The following USH2A variants were observed in gnomAD, a reference collection of about 807,000 sequenced individuals.
The protein encoded by USH2A is usherin.
In USH2A, 443 loss-of-function variants were observed where a neutral mutation model predicts 538.9. The ratio of observed to expected loss-of-function variants is 0.82; its 90% CI spans 0.76 to 0.89. The LOEUF is 0.89. USH2A is among the 40% of genes least tolerant of loss of function. The probability of loss-of-function intolerance (pLI) is 0.00; values close to 1 mark genes in which losing one functional copy is unlikely to be tolerated. For missense variants in USH2A, 6,633 were observed against 6,324.8 expected (o/e 1.05, Z -1.65); for synonymous variants, 2,413 against 2,273.5 (o/e 1.06, Z -1.75).
At chr1:215,781,304 C>T (rs974892355) in intron 54 of USH2A, among the ~76,000 whole-genome samples, 1 of 152,174 alleles carries the variant, frequency 6.6e-6, no homozygotes, top group Non-Finnish European at 1.5e-5. Context: ...GCTATCTGAT[C>T]CTTCTCTTTA....
At chr1:215,656,049 T>C (rs1449238989) in intron 64 of USH2A, among the ~76,000 whole-genome samples, 1 of 152,196 alleles carries the variant, frequency 6.6e-6, no homozygotes, top group Non-Finnish European at 1.5e-5. Flanking sequence ...TAGTTATTTT[T>C]TAGCACAATT....
In USH2A at chr1:215,630,575, G is replaced by A. The variant is rs536370966; in HGVS notation, c.15298-1540C>T. Among the ~76,000 whole-genome samples the A allele has an allele frequency of 6.8e-5, 10 of 147,368 alleles. No homozygotes were observed. The South Asian group carries it at 1.7e-3, about 26-fold the overall frequency. ...GCAACTAAAACTTCATAGTGAGGCC[G>A]GGTGCGGTGGCTCATGCCTGTAATC... On this transcript the variant is annotated intron_variant, in intron 70 of 71. Coordinates refer to ENST00000307340, the MANE Select transcript of USH2A (RefSeq NM_206933.4).
At chr1:216,350,638 T>C (rs1319360365) in intron 4 of USH2A, among the ~76,000 whole-genome samples, 5 of 151,954 alleles carry the variant, frequency 3.3e-5, no homozygotes, top group Non-Finnish European at 7.4e-5. Flanking sequence ...CCAGGGCACA[T>C]TGGTGGGAGG....
intron 4 of USH2A, among the ~76,000 whole-genome samples, chr1:216,339,213 C>A (rs1394067492): frequency 2.0e-5 from 3 of 151,264 alleles, no homozygotes; most frequent in African/African-American, 7.3e-5. Flanking sequence ...ATGGGTAATT[C>A]TCAGAAAAAT....
intron 54 of USH2A, among the ~76,000 whole-genome samples, chr1:215,781,789 A>G (rs1558095184): frequency 6.6e-6 from 1 of 152,228 alleles, no homozygotes; most frequent in Non-Finnish European, 1.5e-5. Context: ...GGAAGAAAAG[A>G]TGGTACTGCT....
chr1:215,913,951 T>C (rs1665880267), intron 38 of USH2A, among the ~76,000 whole-genome samples: 2 of 151,886 alleles, frequency 1.3e-5, no homozygotes, highest in South Asian at 4.2e-4. Flanking sequence ...ATTACCAAAA[T>C]ATTTTTAAAA....
chr1:216,151,410 C>T (rs1018515883), intron 21 of USH2A, among the ~76,000 whole-genome samples: 4 of 152,158 alleles, frequency 2.6e-5, no homozygotes, highest in East Asian at 1.9e-4. Context: ...CAAATGGGAC[C>T]GAAGAGCTCC....
intron 35 of USH2A, among the ~76,000 whole-genome samples, chr1:215,979,144 C>G (rs548877261): frequency 3.9e-5 from 6 of 152,102 alleles, no homozygotes; most frequent in Non-Finnish European, 8.8e-5. Context: ...GGTAAGACAG[C>G]TTTTGCAGGG....
At chr1:216,194,357 T>G (rs1360464682) in intron 19 of USH2A, 1 of 152,062 alleles carries the variant, frequency 6.6e-6, no homozygotes, top group Non-Finnish European at 1.5e-5. Flanking sequence ...TTACAAGGAC[T>G]ACTCTGGGGA....
chr1:215,908,471 T>A (rs973134697), intron 38 of USH2A, among the ~76,000 whole-genome samples: 2 of 151,806 alleles, frequency 1.3e-5, no homozygotes, highest in Non-Finnish European at 2.9e-5. Context: ...TTTTCCTAAG[T>A]ACAAATATGT....
At position 215,940,473 on chromosome 1, in the gene USH2A, G is replaced by A. The variant is rs114014142; in HGVS notation, c.7121-5678C>T. ...AAATTATTTTAACCAAAAAGCAAGT[G>A]TTTCTTCCAGATTCCATTTTTCTGA... On this transcript the variant is annotated intron_variant, in intron 37 of 71. Transcript: ENST00000307340. 5.3e-3 allele frequency among the ~76,000 whole-genome samples: 806 copies of A among 152,138 alleles called. 9 individuals are homozygous for A. Among genetic ancestry groups the A allele is most frequent in the African/African-American group, 0.018 (766 of 41,516 alleles).
At chr1:216,181,742 C>A (rs2034497795) in intron 20 of USH2A, among the ~76,000 whole-genome samples, 2 of 152,010 alleles carry the variant, frequency 1.3e-5, no homozygotes. Context: ...AAACTTGAAG[C>A]TTTTATGGGG....
intron 35 of USH2A, among the ~76,000 whole-genome samples, chr1:215,975,003 T>C (rs1451450091): frequency 6.6e-6 from 1 of 152,166 alleles, no homozygotes; most frequent in Non-Finnish European, 1.5e-5. Flanking sequence ...CCAGCATCTG[T>C]TGTTTTTTGA....
chr1:215,856,561 T>C (rs1266125558), intron 44 of USH2A, among the ~76,000 whole-genome samples: 1 of 152,154 alleles, frequency 6.6e-6, no homozygotes, highest in Non-Finnish European at 1.5e-5. Flanking sequence ...GACCTTGGCA[T>C]AGATGTGATA....
At chr1:215,649,778 C>T (rs1348393046) in intron 65 of USH2A, among the ~76,000 whole-genome samples, 1 of 152,162 alleles carries the variant, frequency 6.6e-6, no homozygotes, top group Non-Finnish European at 1.5e-5. Flanking sequence ...TCTGCACAAT[C>T]TCTATACAAT....
intron 20 of USH2A, among the ~76,000 whole-genome samples, chr1:216,185,525 A>G (rs1380648300): frequency 6.6e-6 from 1 of 151,896 alleles, no homozygotes; most frequent in East Asian, 1.9e-4. Context: ...AAATTTTTGA[A>G]TGGTCACTCG....
intron 58 of USH2A, among the ~76,000 whole-genome samples, chr1:215,751,156 C>A (rs529959728): frequency 1.5e-4 from 23 of 152,188 alleles, no homozygotes; most frequent in African/African-American, 5.5e-4. Context: ...TAATACACTG[C>A]AGCTGATGAG....
At chr1:215,868,139 A>G (rs1406179879) in intron 43 of USH2A, among the ~76,000 whole-genome samples, 1 of 152,182 alleles carries the variant, frequency 6.6e-6, no homozygotes, top group Non-Finnish European at 1.5e-5. Context: ...AGGATACCTC[A>G]TCTCCAGTGT....
rs77485415 is a variant in USH2A at position 216,226,671 on chromosome 1, T to C, written c.2993+5282A>G. On this transcript the variant is annotated intron_variant, in intron 14 of 71. Coordinates refer to ENST00000307340, the MANE Select transcript of USH2A (RefSeq NM_206933.4). The stretch of plus-strand genomic sequence containing the variant: ...TTTTGTTTTAGTGCAGTCAGATGCA[T>C]TTTCTTTTCGACTGGTTGCTTATTA... 2.6e-5 allele frequency among the ~76,000 whole-genome samples: 4 copies of C among 152,348 alleles called. No homozygotes were observed. In the East Asian group the frequency reaches 7.7e-4, roughly 29 times the overall value.
Sources: allele counts gnomAD v4.1 joint callset (sites outside exome capture counted in the v4.1 genomes callset), GRCh38; gene constraint gnomAD v4.1.1; transcripts MANE v1.5; gene names NCBI Gene and HGNC (gene_info 2026-07-23, HGNC 2026-07-21).